The following KLF12 variants were observed in gnomAD, a reference collection of about 807,000 sequenced individuals.
The protein encoded by KLF12 is Krueppel-like factor 12.
A neutral mutation model predicts 37.8 loss-of-function variants in KLF12; 9 were observed. The ratio of observed to expected loss-of-function variants is 0.24; its 90% CI spans 0.14 to 0.42. KLF12 has a LOEUF of 0.42. KLF12 is among the 10% of genes least tolerant of loss of function. KLF12 has a pLI of 1.00. For missense variants in KLF12, 411 were observed against 516.0 expected (o/e 0.80, Z 1.97); for synonymous variants, 208 against 202.1 (o/e 1.03, Z -0.25).
intron 3 of KLF12, among the ~76,000 whole-genome samples, chr13:73,890,777 T>C (rs1260822059): frequency 6.6e-6 from 1 of 152,082 alleles, no homozygotes; most frequent in Non-Finnish European, 1.5e-5. Flanking sequence ...TCCTCTCTTT[T>C]AACCCTATAA....
intron 6 of KLF12, among the ~76,000 whole-genome samples, chr13:73,746,568 GAT>G (rs1380017175): frequency 6.6e-6 from 1 of 151,940 alleles, no homozygotes; most frequent in African/African-American, 2.4e-5. Context: ...GCTCCTTTTA[GAT>G]ACCTTTATAT....
At chr13:74,003,210 A>G (rs2138321108) in intron 1 of KLF12, among the ~76,000 whole-genome samples, 1 of 152,366 alleles carries the variant, frequency 6.6e-6, no homozygotes, top group Non-Finnish European at 1.5e-5. Context: ...GAAGGAAATC[A>G]GTTTAGTTTC....
chr13:73,876,968 C>T (rs141561955), intron 3 of KLF12, among the ~76,000 whole-genome samples: 6,358 of 151,632 alleles, frequency 0.042, 404 homozygotes, highest in African/African-American at 0.14. Context: ...TGAGCAGAGA[C>T]CGTGCCACTG....
chr13:74,304,269 T>C, the KLF12 span, among the ~76,000 whole-genome samples: 1 of 152,284 alleles, frequency 6.6e-6, no homozygotes, highest in African/African-American at 2.4e-5. Flanking sequence ...CTGTTTTTCT[T>C]TTTGTGGAAA....
At chr13:73,699,498 A>C (rs1874390775) in intron 7 of KLF12, among the ~76,000 whole-genome samples, 1 of 152,252 alleles carries the variant, frequency 6.6e-6, no homozygotes, top group South Asian at 2.1e-4. Context: ...TCATTAAAAA[A>C]GTACAATAAC....
At chr13:73,847,282 T>G (rs1262267079) in intron 3 of KLF12, among the ~76,000 whole-genome samples, 1 of 152,198 alleles carries the variant, frequency 6.6e-6, no homozygotes, top group East Asian at 1.9e-4. Context: ...CTGATTATTT[T>G]GGTTACATCT....
intron 1 of KLF12, among the ~76,000 whole-genome samples, chr13:74,061,623 CA>C: frequency 6.6e-6 from 1 of 152,250 alleles, no homozygotes; most frequent in African/African-American, 2.4e-5. Context: ...CAAGTTCTAG[CA>C]AATAATGAAA....
intron 3 of KLF12, among the ~76,000 whole-genome samples, chr13:73,881,845 C>T (rs1886997776): frequency 6.6e-6 from 1 of 152,122 alleles, no homozygotes; most frequent in Non-Finnish European, 1.5e-5. Context: ...TGCTCTTCCT[C>T]AATTTTTTAC....
chr13:74,126,984 C>G (rs901533773), intron 1 of KLF12, among the ~76,000 whole-genome samples: 3 of 152,106 alleles, frequency 2.0e-5, no homozygotes, highest in Admixed American at 1.3e-4. Context: ...TTATTTTGTA[C>G]CTACTATTTA....
intron 3 of KLF12, among the ~76,000 whole-genome samples, chr13:73,915,720 G>C (rs1165618750): frequency 1.5e-5 from 2 of 133,418 alleles, no homozygotes; most frequent in African/African-American, 5.8e-5. Flanking sequence ...TTTTAGTAGA[G>C]ACTAGGTTTC....
chr13:73,752,438 G>A (rs140443832), intron 6 of KLF12, among the ~76,000 whole-genome samples: 1 of 74,398 alleles, frequency 1.3e-5, no homozygotes, highest in East Asian at 2.5e-4. Flanking sequence ...GCACCCTGTG[G>A]TAACTATCAT....
rs1187582547 is a variant in KLF12, at chr13:73,687,862, C to A, written c.*7628G>T. On this transcript the variant is annotated 3_prime_UTR_variant, in exon 8 of 8. Transcript: ENST00000377669. ...CACTTCAAATTTCTAGAGATGAAAT[C>A]CAGAAAGAAAAAGTACTGAGGCGAC... 6.6e-6 allele frequency: 1 copy of A among 152,116 alleles called. No individual in the cohort carries two copies. The highest frequency in any genetic ancestry group is 1.9e-4 in the East Asian group (1 of 5,194). The allele number at this position is 152,116 out of a possible 1,614,324, so 9.4% of individuals were successfully genotyped here.
chr13:74,208,952 G>T, the KLF12 span, among the ~76,000 whole-genome samples: 1 of 152,112 alleles, frequency 6.6e-6, no homozygotes, highest in Non-Finnish European at 1.5e-5. Context: ...AGAAAGATGA[G>T]AAATTTCCCA....
chr13:74,035,737 C>T (rs2138508853), intron 1 of KLF12, among the ~76,000 whole-genome samples: 1 of 151,832 alleles, frequency 6.6e-6, no homozygotes, highest in South Asian at 2.1e-4. Context: ...CATTTCATAT[C>T]CTTAAAAATG....
At chr13:73,708,650 GC>G (rs1374416706) in intron 7 of KLF12, among the ~76,000 whole-genome samples, 2 of 152,010 alleles carry the variant, frequency 1.3e-5, no homozygotes, top group Non-Finnish European at 2.9e-5. Flanking sequence ...AATTACTAGA[GC>G]ATTTATTTTT....
chr13:74,275,791 T>TTTCTTTCTTTCC, the KLF12 span, among the ~76,000 whole-genome samples: 6 of 88,974 alleles, frequency 6.7e-5, no homozygotes, highest in East Asian at 3.3e-4. Flanking sequence ...TCTTTCTTTC[T>TTTCTTTCTTTCC]TTCTTTCTTT....
intron 1 of KLF12, among the ~76,000 whole-genome samples, chr13:74,070,093 T>C (rs1487765551): frequency 4.0e-5 from 6 of 151,826 alleles, no homozygotes; most frequent in African/African-American, 1.2e-4. Flanking sequence ...TAAGGGCAAA[T>C]AGAGAAACGA....
chr13:73,860,242 T>C (rs73537941), intron 3 of KLF12, among the ~76,000 whole-genome samples: 2,831 of 152,334 alleles, frequency 0.019, 104 homozygotes, highest in African/African-American at 0.065. Flanking sequence ...GATGCCACTC[T>C]TCTGTGCTTC....
chr13:74,219,548 T>C, the KLF12 span, among the ~76,000 whole-genome samples: 5 of 152,224 alleles, frequency 3.3e-5, no homozygotes, highest in Non-Finnish European at 7.3e-5. Context: ...ATTCCTAAGA[T>C]TGGAGTTACA....
Sources: allele counts gnomAD v4.1 joint callset (sites outside exome capture counted in the v4.1 genomes callset), GRCh38; gene constraint gnomAD v4.1.1; transcripts MANE v1.5; gene names NCBI Gene and HGNC (gene_info 2026-07-23, HGNC 2026-07-21).